OR2C1: variants seen among roughly 807,000 people sequenced by gnomAD.
OR2C1 encodes the protein olfactory receptor family 2 subfamily C member 1.
For synonymous variants in OR2C1, 209 were observed against 167.3 expected, an observed-to-expected ratio of 1.25 and a Z score of -1.92; for missense variants, 468 against 388.3, an observed-to-expected ratio of 1.21 and a Z score of -1.73.
At chr16:3,354,200 A>G (rs2030623398), upstream of OR2C1, among the ~76,000 whole-genome samples, 1 of 151,926 alleles carries the variant, frequency 6.6e-6, no homozygotes, top group African/African-American at 2.4e-5. Flanking sequence ...GGCCAGGCTG[A>G]TCTCAAACTC....
the OR2C1 span, among the ~76,000 whole-genome samples, chr16:3,333,211 ATTTTTTTTTTTTTTTTTTTTTTT>A: frequency 1.5e-5 from 1 of 65,806 alleles, no homozygotes; most frequent in Non-Finnish European, 2.9e-5. Flanking sequence ...TCTTTTGCCC[ATTTTTTTTTTTTTTTTTTTTTTT>A]TTTTTTTTTT....
the OR2C1 span, among the ~76,000 whole-genome samples, chr16:3,346,786 C>A: frequency 4.6e-5 from 7 of 151,228 alleles, no homozygotes; most frequent in Non-Finnish European, 2.9e-5. Context: ...CCCGCCACCA[C>A]GCTCGACTAA....
chr16:3,337,537 T>C, the OR2C1 span, among the ~76,000 whole-genome samples: 5 of 152,140 alleles, frequency 3.3e-5, no homozygotes, highest in Non-Finnish European at 7.4e-5. Flanking sequence ...GAGTCTCTAA[T>C]GAAAATTTTA....
At chr16:3,325,733 T>C in the OR2C1 span, among the ~76,000 whole-genome samples, 3 of 151,578 alleles carry the variant, frequency 2.0e-5, no homozygotes, top group Admixed American at 1.3e-4. Context: ...ATCTTAAGTG[T>C]ATATATTTTT....
At chr16:3,333,645 A>G in the OR2C1 span, among the ~76,000 whole-genome samples, 1 of 152,122 alleles carries the variant, frequency 6.6e-6, no homozygotes, top group Admixed American at 6.6e-5. Flanking sequence ...AAGTTTACAA[A>G]TATTTTCTAT....
chr16:3,340,115 C>G, the OR2C1 span, among the ~76,000 whole-genome samples: 15 of 151,992 alleles, frequency 9.9e-5, no homozygotes, highest in African/African-American at 3.6e-4. Context: ...CCCATCTCTA[C>G]TAAAAATACA....
chr16:3,331,671 C>T, the OR2C1 span, among the ~76,000 whole-genome samples: 3 of 152,050 alleles, frequency 2.0e-5, no homozygotes, highest in Non-Finnish European at 2.9e-5. Context: ...TTGTTTTTGT[C>T]AGGTTTGTCA....
upstream of OR2C1, among the ~76,000 whole-genome samples, chr16:3,353,089 A>C (rs1191203620): frequency 2.0e-5 from 3 of 152,000 alleles, no homozygotes; most frequent in African/African-American, 7.2e-5. Flanking sequence ...CAAGCACCTG[A>C]ACTGGCAGGA....
Position 3,356,856 on chromosome 16 carries a change from G to A in OR2C1, c.916G>A (p.Gly306Arg), listed in dbSNP as rs775061923. The change falls in exon 1 of 1, where the codon GGG (glycine) becomes AGG (arginine). Residue 306 changes from glycine (G) to arginine (R), a missense_variant. Gly to Arg is a moderately radical substitution (Grantham distance 125, BLOSUM62 -2). Transcript: ENST00000304936. ...EVKGALRRLL[G>R]KGREVG ...GAAGGGCGCACTGAGGAGGTTGCTG[G>A]GGAAAGGAAGAGAAGTTGGCTGAGA... is the stretch of plus-strand genomic sequence containing the variant. 1.3e-6 allele frequency: 2 copies of A among 1,599,492 alleles called. No individual in the cohort carries two copies. The highest frequency in any genetic ancestry group is 1.7e-6 in the Non-Finnish European group (2 of 1,171,598).
the OR2C1 span, among the ~76,000 whole-genome samples, chr16:3,328,864 G>C: frequency 1.3e-5 from 2 of 152,100 alleles, no homozygotes; most frequent in Admixed American, 1.3e-4. Context: ...AAACTTGCCT[G>C]GTGGAGAACA....
chr16:3,353,983 CTTTT>C (rs1001983184), upstream of OR2C1, among the ~76,000 whole-genome samples: 38 of 115,488 alleles, frequency 3.3e-4, no homozygotes, highest in African/African-American at 1.2e-3. Flanking sequence ...CTTTTCTTTT[CTTTT>C]TTTTTTTTTT....
At chr16:3,333,211 A>T in the OR2C1 span, among the ~76,000 whole-genome samples, 42,140 of 65,510 alleles carry the variant, frequency 0.64, 13,756 homozygotes, top group South Asian at 0.78. Flanking sequence ...TCTTTTGCCC[A>T]TTTTTTTTTT....
At chr16:3,333,303 G>A in the OR2C1 span, among the ~76,000 whole-genome samples, 3 of 128,570 alleles carry the variant, frequency 2.3e-5, no homozygotes, top group East Asian at 7.3e-4. Flanking sequence ...CTTGTCAGAG[G>A]GAGAGTTTAC....
the OR2C1 span, among the ~76,000 whole-genome samples, chr16:3,331,926 G>A: frequency 6.6e-6 from 1 of 151,850 alleles, no homozygotes; most frequent in Non-Finnish European, 1.5e-5. Flanking sequence ...GTCCTTTGTA[G>A]GGACATGGAT....
At chr16:3,333,413 G>GC in the OR2C1 span, among the ~76,000 whole-genome samples, 1 of 151,754 alleles carries the variant, frequency 6.6e-6, no homozygotes, top group African/African-American at 2.4e-5. Flanking sequence ...TCGGCTCACT[G>GC]CAAGCTCCGC....
chr16:3,357,006 A>G lies in OR2C1; in HGVS notation c.*127A>G. 1 of 788,430 alleles carries G rather than the reference A, an allele frequency of 1.3e-6. No homozygotes were observed. The highest frequency in any genetic ancestry group is 2.0e-6 in the Non-Finnish European group (1 of 495,082). The allele number at this position is 788,430 out of a possible 1,614,324, so 48.8% of individuals were successfully genotyped here. On this transcript the variant is annotated 3_prime_UTR_variant, in exon 1 of 1. Transcript: ENST00000304936. ...CCAAGGCATGTTCCTGACAGCCCTA[A>G]GCTGACAGCCCTAAGCTGTTGGGAA...
Position 3,356,127 on chromosome 16 carries a change from C to G in OR2C1, c.187C>G (p.Leu63Val). The change falls in exon 1 of 1, where the codon CTC (leucine) becomes GTC (valine). Residue 63 changes from leucine (L) to valine (V), a missense_variant. Transcript: ENST00000304936. The stretch of plus-strand genomic sequence containing the variant: ...GCTCCATACACCCATGTACTTCTTC[C>G]TCAGCAACCTCTCCTCCTTGGACCT... Reference protein sequence around the residue: ...ARLHTPMYFFLSNLSSLDLAF... With the variant: ...ARLHTPMYFFVSNLSSLDLAF... 6.2e-7 allele frequency: 1 copy of G among 1,614,194 alleles called. No homozygotes were observed. The highest frequency in any genetic ancestry group is 8.5e-7 in the Non-Finnish European group (1 of 1,180,022).
chr16:3,329,748 CTTTTTTTT>C, the OR2C1 span, among the ~76,000 whole-genome samples: 3 of 62,630 alleles, frequency 4.8e-5, no homozygotes, highest in African/African-American at 1.6e-4. Context: ...GGCGCCCGGC[CTTTTTTTT>C]TTTTTTTTTT....
chr16:3,335,423 G>A, the OR2C1 span, among the ~76,000 whole-genome samples: 11 of 149,456 alleles, frequency 7.4e-5, no homozygotes, highest in South Asian at 2.3e-3. Context: ...ATTCCTAGGT[G>A]TTATATATTA....
Sources: allele counts gnomAD v4.1 joint callset (sites outside exome capture counted in the v4.1 genomes callset), GRCh38; gene constraint gnomAD v4.1.1; transcripts MANE v1.5; gene names NCBI Gene and HGNC (gene_info 2026-07-23, HGNC 2026-07-21).